Variants in ARHGEF11 observed in about 807,000 individuals in gnomAD.
ARHGEF11 encodes the protein Rho guanine nucleotide exchange factor 11.
A neutral mutation model predicts 193.7 loss-of-function variants in ARHGEF11; 55 were observed. That is an observed-to-expected ratio of 0.28 (90% confidence interval 0.23 to 0.36). The LOEUF (loss-of-function observed/expected upper bound fraction) is 0.36. Ranked by LOEUF, ARHGEF11 falls within the 10% of genes least tolerant of loss-of-function variation. The pLI is 1.00. For synonymous variants in ARHGEF11, 693 were observed against 768.0 expected, an observed-to-expected ratio of 0.90 and a Z score of 1.62; for missense variants, 1,723 against 2,005.6, an observed-to-expected ratio of 0.86 and a Z score of 2.69.
At chr1:156,959,791 T>C (rs1243765569) in intron 15 of ARHGEF11, among the ~76,000 whole-genome samples, 3 of 152,166 alleles carry the variant, frequency 2.0e-5, no homozygotes, top group Non-Finnish European at 4.4e-5. Context: ...GACATCACCT[T>C]AGACTGCCTC....
chr1:156,958,604 T>G (rs2102109604), intron 17 of ARHGEF11, 138 bp downstream of exon 17: 1 of 1,251,630 alleles, frequency 8.0e-7, no homozygotes, highest in East Asian at 2.4e-5. Flanking sequence ...GCAGCAGGAG[T>G]GCAGGACTCC....
chr1:156,977,476 G>A (rs998054530), intron 6 of ARHGEF11, among the ~76,000 whole-genome samples: 4 of 152,018 alleles, frequency 2.6e-5, no homozygotes, highest in South Asian at 2.1e-4. Context: ...GCATTGGCAC[G>A]ATCATGGCTC....
Position 156,946,176 on chromosome 1 carries a change from G to C in ARHGEF11, c.2695-14C>G, listed in dbSNP as rs1318090734. 1 of 1,609,078 alleles carries C rather than the reference G, an allele frequency of 6.2e-7. No individual in the cohort carries two copies. The highest frequency in any genetic ancestry group is 8.5e-7 in the Non-Finnish European group (1 of 1,177,100). Reference sequence around the variant, plus strand: ...GCTCTCAGCCTCCTAGACAGCAGGAGACACAGAAGGGAGGAGATGTCAGCG... The same window carrying C: ...GCTCTCAGCCTCCTAGACAGCAGGACACACAGAAGGGAGGAGATGTCAGCG... On this transcript the variant is annotated splice_polypyrimidine_tract_variant and intron_variant, in intron 28 of 40. Coordinates refer to ENST00000368194, the MANE Select transcript of ARHGEF11 (RefSeq NM_198236.3).
chr1:156,978,332 C>T lies in ARHGEF11; in HGVS notation c.382G>A (p.Gly128Ser), dbSNP rs779439445. The change falls in exon 6 of 41, where the codon GGC (glycine) becomes AGC (serine). Residue 128 changes from glycine to serine, a missense_variant. By Grantham distance (56) the Gly-to-Ser change is moderately conservative. This residue lies in a region of ARHGEF11 where 646 missense variants were observed against 710.7 expected (regional missense o/e 0.91). Transcript: ENST00000368194. ...TLLGSSPSSM[G>S]ISGLQQDPSP... ...GGGTCCTGCTGGAGCCCAGAGATGC[C>T]CATGGATGAAGGTGAAGAGCCCAGG... is the stretch of plus-strand genomic sequence containing the variant. 1.9e-6 allele frequency: 3 copies of T among 1,613,654 alleles called. No individual in the cohort carries two copies. Among genetic ancestry groups the T allele is most frequent in the Admixed American group, 1.7e-5 (1 of 59,978 alleles).
At chr1:156,993,246 CTGTATATGCCACA>C (rs1196736270) in intron 1 of ARHGEF11, among the ~76,000 whole-genome samples, 1 of 152,172 alleles carries the variant, frequency 6.6e-6, no homozygotes, top group Admixed American at 6.5e-5. Flanking sequence ...ATTATATGAC[CTGTATATGCCACA>C]TGTAGATTTG....
chr1:156,980,323 G>T, intron 4 of ARHGEF11, 114 bp downstream of exon 4: 2 of 1,284,444 alleles, frequency 1.6e-6, no homozygotes, highest in Non-Finnish European at 1.1e-6. Flanking sequence ...CTAACTCAGT[G>T]GCTGCCTGGC....
At chr1:156,996,646 G>T (rs1271851871) in intron 1 of ARHGEF11, among the ~76,000 whole-genome samples, 1 of 151,322 alleles carries the variant, frequency 6.6e-6, no homozygotes, top group African/African-American at 2.4e-5. Context: ...GGTAGCGGGC[G>T]CCTGTAGTCC....
intron 14 of ARHGEF11, 104 bp from the exon 15 acceptor site, chr1:156,960,564 T>C: frequency 2.0e-6 from 2 of 1,025,362 alleles, no homozygotes; most frequent in Non-Finnish European, 3.0e-6. Context: ...CTTCTTGCCT[T>C]TTCGCCTACA....
intron 1 of ARHGEF11, among the ~76,000 whole-genome samples, chr1:157,009,888 T>C (rs1668342849): frequency 6.6e-6 from 1 of 152,208 alleles, no homozygotes; most frequent in African/African-American, 2.4e-5. Context: ...TGAATCTCAA[T>C]CTGAACCTCT....
At chr1:156,984,983 TTATTTCTGAAATA>T (rs781702841) in intron 2 of ARHGEF11, among the ~76,000 whole-genome samples, 1 of 151,814 alleles carries the variant, frequency 6.6e-6, no homozygotes, top group Non-Finnish European at 1.5e-5. Context: ...GAAAACCCTT[TTATTTCTGAAATA>T]AAAGGGTTTT....
intron 1 of ARHGEF11, among the ~76,000 whole-genome samples, chr1:156,993,003 G>A (rs1199871412): frequency 6.6e-6 from 1 of 152,192 alleles, no homozygotes; most frequent in Non-Finnish European, 1.5e-5. Context: ...GTGTAAATGA[G>A]GACAAGGCCT....
At chr1:157,005,223 T>C (rs1667679863) in intron 1 of ARHGEF11, among the ~76,000 whole-genome samples, 1 of 152,212 alleles carries the variant, frequency 6.6e-6, no homozygotes, top group South Asian at 2.1e-4. Context: ...GTTTGATGAC[T>C]GCCTTATACC....
At chr1:156,959,260 C>T (rs951034366) in intron 15 of ARHGEF11, 118 bp from the exon 16 acceptor site, 8 of 798,788 alleles carry the variant, frequency 1.0e-5, no homozygotes, top group South Asian at 3.3e-5. Context: ...GAAGGGCTGG[C>T]TTTCTGCCCT....
At chr1:156,951,787 G>C (rs1659145906) in intron 21 of ARHGEF11, 88 bp from the exon 22 acceptor site, 3 of 1,548,820 alleles carry the variant, frequency 1.9e-6, no homozygotes, top group Non-Finnish European at 2.6e-6. Flanking sequence ...CCAGAAGACA[G>C]AGCAATGAGC....
intron 9 of ARHGEF11, 74 bp downstream of exon 9, chr1:156,969,924 C>A: frequency 6.8e-7 from 1 of 1,467,718 alleles, no homozygotes; most frequent in South Asian, 1.1e-5. Flanking sequence ...GAATCTGCCC[C>A]ATGGGGAGGG....
intron 30 of ARHGEF11, 73 bp from the exon 31 acceptor site, chr1:156,944,506 C>A: frequency 6.7e-7 from 1 of 1,486,234 alleles, no homozygotes; most frequent in Non-Finnish European, 9.4e-7. Flanking sequence ...CTACTGTGTG[C>A]CAGACATTGT....
chr1:157,026,635 G>A (rs895118677), intron 1 of ARHGEF11, among the ~76,000 whole-genome samples: 1 of 152,338 alleles, frequency 6.6e-6, no homozygotes, highest in Non-Finnish European at 1.5e-5. Flanking sequence ...AGGGGAGGAA[G>A]TCCAGGATTT....
intron 1 of ARHGEF11, among the ~76,000 whole-genome samples, chr1:157,031,376 G>A (rs1671285983): frequency 6.6e-6 from 1 of 152,150 alleles, no homozygotes; most frequent in Admixed American, 6.5e-5. Context: ...CAGAAGTGTA[G>A]CTATTAGCCC....
chr1:157,005,879 A>G (rs1314797909), intron 1 of ARHGEF11, among the ~76,000 whole-genome samples: 1 of 152,198 alleles, frequency 6.6e-6, no homozygotes, highest in African/African-American at 2.4e-5. Flanking sequence ...TTAGATCAAT[A>G]TACTTCTACA....
Sources: gnomAD v4.1 joint callset for allele counts (sites outside exome capture counted in the v4.1 genomes callset) on GRCh38, gnomAD v4.1.1 for gene constraint, gnomAD v4.1.1 regional missense constraint, MANE v1.5 for transcripts, NCBI Gene and HGNC (gene_info 2026-07-23, HGNC 2026-07-21) for gene names.